The following ANKS1A variants were observed in gnomAD, a reference collection of about 807,000 sequenced individuals.
The protein encoded by ANKS1A is ankyrin repeat and SAM domain-containing protein 1A.
A neutral mutation model predicts 120.3 loss-of-function variants in ANKS1A; 55 were observed. That is an observed-to-expected ratio of 0.46 (90% CI 0.37 to 0.57). The LOEUF (loss-of-function observed/expected upper bound fraction) is 0.57. Ranked by LOEUF, ANKS1A falls within the 20% of genes least tolerant of loss-of-function variation. The pLI is 0.00. For synonymous variants in ANKS1A, 590 were observed against 604.7 expected, an observed-to-expected ratio of 0.98 and a Z score of 0.36; for missense variants, 1,123 against 1,480.3, an observed-to-expected ratio of 0.76 and a Z score of 3.96.
intron 1 of ANKS1A, among the ~76,000 whole-genome samples, chr6:34,932,801 C>G (rs1769054518): frequency 6.6e-6 from 1 of 152,198 alleles, no homozygotes; most frequent in Admixed American, 6.5e-5. Context: ...GTGAATGATG[C>G]TACTTTGAAC....
chr6:34,999,182 CTTTGGT>C (rs1247397795), intron 10 of ANKS1A, among the ~76,000 whole-genome samples: 2 of 152,168 alleles, frequency 1.3e-5, no homozygotes, highest in Non-Finnish European at 2.9e-5. Flanking sequence ...TTTATCGGCA[CTTTGGT>C]TTTGGTTTTG....
intron 1 of ANKS1A, among the ~76,000 whole-genome samples, chr6:34,911,162 G>T (rs1456807711): frequency 6.6e-6 from 1 of 152,152 alleles, no homozygotes; most frequent in Non-Finnish European, 1.5e-5. Flanking sequence ...TTATCATGGT[G>T]AAAGCTAAGT....
At chr6:34,897,633 C>T (rs930949824) in intron 1 of ANKS1A, among the ~76,000 whole-genome samples, 3 of 151,984 alleles carry the variant, frequency 2.0e-5, no homozygotes, top group Admixed American at 1.3e-4. Context: ...AAAATTATAT[C>T]GTATAATATG....
Position 35,088,817 on chromosome 6 carries a change from C to A in ANKS1A, c.*208C>A. On this transcript the variant is annotated 3_prime_UTR_variant, in exon 24 of 24. Transcript: ENST00000360359. ...CTTGGCTGTGGAGAAGCACTCCAGG[C>A]CGCTAGCAGATGGGACTGGCATTCC... 6.8e-7 allele frequency: 1 copy of A among 1,481,444 alleles called. No individual in the cohort carries two copies. Among genetic ancestry groups the A allele is most frequent in the Non-Finnish European group, 8.9e-7 (1 of 1,117,418 alleles). The allele number at this position is 1,481,444 out of a possible 1,614,324, so 91.8% of individuals were successfully genotyped here.
intron 3 of ANKS1A, among the ~76,000 whole-genome samples, chr6:34,980,042 G>T (rs1164249096): frequency 1.3e-5 from 2 of 152,242 alleles, no homozygotes; most frequent in Non-Finnish European, 2.9e-5. Flanking sequence ...TTCCAAATGG[G>T]TATCCTAAAA....
At chr6:34,950,799 G>A (rs946569767) in intron 1 of ANKS1A, among the ~76,000 whole-genome samples, 1 of 152,120 alleles carries the variant, frequency 6.6e-6, no homozygotes, top group Non-Finnish European at 1.5e-5. Flanking sequence ...GGTGGTGGGT[G>A]AGGCTGGTTG....
At chr6:34,994,567 C>A in intron 10 of ANKS1A, 145 bp downstream of exon 10, 2 of 1,262,018 alleles carry the variant, frequency 1.6e-6, no homozygotes, top group East Asian at 2.9e-5. Flanking sequence ...ATGGTGGGTC[C>A]ATTATGGCTT....
intron 11 of ANKS1A, among the ~76,000 whole-genome samples, chr6:35,043,232 A>G (rs1775554646): frequency 6.6e-6 from 1 of 152,200 alleles, no homozygotes; most frequent in South Asian, 2.1e-4. Flanking sequence ...GACTTGCGTG[A>G]GGTAACCTGA....
intron 13 of ANKS1A, among the ~76,000 whole-genome samples, chr6:35,067,980 C>T (rs937893967): frequency 1.3e-5 from 2 of 151,218 alleles, no homozygotes; most frequent in Non-Finnish European, 2.9e-5. Context: ...ACCTCTGCTC[C>T]GCCCCCAGTT....
chr6:35,049,352 A>G (rs905950092), intron 11 of ANKS1A, among the ~76,000 whole-genome samples: 2 of 152,220 alleles, frequency 1.3e-5, no homozygotes. Context: ...CCAGTGTGCT[A>G]GCTGTGTACA....
At chr6:34,972,509 C>A in intron 3 of ANKS1A, 2 of 809,666 alleles carry the variant, frequency 2.5e-6, no homozygotes, top group Non-Finnish European at 3.0e-6. Context: ...TGGGTTCCCT[C>A]AGGGCTGTGT....
chr6:35,023,436 T>G (rs1468949272), intron 11 of ANKS1A: 1 of 198,852 alleles, frequency 5.0e-6, no homozygotes, highest in African/African-American at 2.4e-5. Context: ...GCAAATGAAC[T>G]GAAAGGCTTA....
At position 35,017,713 on chromosome 6, in the gene ANKS1A, C is replaced by T. The variant is rs756728947; in HGVS notation, c.1664C>T (p.Ser555Phe). Residue 555 changes from serine to phenylalanine, a missense_variant, in exon 11 of 24, where the codon TCC (serine) becomes TTC (phenylalanine). Around this residue, in one of 3 missense-constraint regions of ANKS1A, gnomAD observed 904 missense variants for 1,130.4 expected, o/e 0.80. Coordinates refer to ENST00000360359, the MANE Select transcript of ANKS1A (RefSeq NM_015245.3). ...EETGVHAPGA[S>F]QPSALDQSKR... is the part of the protein sequence containing the mutation. ...ACGGGTGTGCATGCTCCTGGAGCCTCCCAGCCCAGTGCCCTGGACCAGAGC... is the reference window on the plus strand; with the variant it reads ...ACGGGTGTGCATGCTCCTGGAGCCTTCCAGCCCAGTGCCCTGGACCAGAGC... The T allele has an allele frequency of 7.4e-6, 12 of 1,613,924 alleles. No individual in the cohort carries two copies. Among genetic ancestry groups the T allele is most frequent in the Non-Finnish European group, 9.3e-6 (11 of 1,180,046 alleles).
intron 13 of ANKS1A, among the ~76,000 whole-genome samples, chr6:35,069,458 CCT>C (rs1776964389): frequency 6.6e-6 from 1 of 152,014 alleles, no homozygotes. Context: ...GGCTTTCACC[CCT>C]GTCTACAGTG....
Position 34,982,156 on chromosome 6 carries a change from C to T in ANKS1A, c.732+170C>T, listed in dbSNP as rs1771938622. Among the ~76,000 whole-genome samples, 1 of 152,150 alleles carries T rather than the reference C, an allele frequency of 6.6e-6. No homozygotes were observed. Among genetic ancestry groups the T allele is most frequent in the Non-Finnish European group, 1.5e-5 (1 of 68,020 alleles). ...GTGACACTAAGAAACAAATGAACTC[C>T]TCAAGCAAGTCTATTATTTTTTTGT... On this transcript the variant is annotated intron_variant, in intron 4 of 23. Coordinates refer to ENST00000360359, the MANE Select transcript of ANKS1A (RefSeq NM_015245.3). The surrounding 1 kb of genome is among the most constrained non-coding windows in gnomAD (Gnocchi z 4.9).
chr6:35,064,425 T>C (rs1299097742), intron 13 of ANKS1A, among the ~76,000 whole-genome samples: 2 of 152,226 alleles, frequency 1.3e-5, no homozygotes, highest in African/African-American at 4.8e-5. Context: ...AGGCCCCCGC[T>C]GTCTTCCTGT....
chr6:35,053,296 G>A (rs1420081592), intron 11 of ANKS1A, among the ~76,000 whole-genome samples: 1 of 152,268 alleles, frequency 6.6e-6, no homozygotes, highest in Non-Finnish European at 1.5e-5. Flanking sequence ...CCCCTGGCCA[G>A]GTTTCCTGGG....
At chr6:34,932,142 A>G (rs1425718938) in intron 1 of ANKS1A, among the ~76,000 whole-genome samples, 1 of 152,104 alleles carries the variant, frequency 6.6e-6, no homozygotes, top group Non-Finnish European at 1.5e-5. Context: ...CCTTGGACAG[A>G]GTAATTTTTC....
chr6:34,991,518 A>G (rs962760734), intron 9 of ANKS1A, among the ~76,000 whole-genome samples: 1 of 148,966 alleles, frequency 6.7e-6, no homozygotes, highest in Non-Finnish European at 1.5e-5. Flanking sequence ...TGCTTTCCAC[A>G]TAGCCGGGAA....
Sources: allele counts gnomAD v4.1 joint callset (sites outside exome capture counted in the v4.1 genomes callset), GRCh38; gene constraint gnomAD v4.1.1; regional missense constraint gnomAD v4.1.1; non-coding constraint Gnocchi (gnomAD v3.1); transcripts MANE v1.5; gene names NCBI Gene and HGNC (gene_info 2026-07-23, HGNC 2026-07-21).